CHPF2: variants seen among roughly 807,000 people sequenced by gnomAD.
The protein encoded by CHPF2 is chondroitin polymerizing factor 2.
A neutral mutation model predicts 63.0 loss-of-function variants in CHPF2; 58 were observed. That is an observed-to-expected ratio of 0.92 (90% CI 0.75 to 1.15). The LOEUF (loss-of-function observed/expected upper bound fraction) is 1.15. Among genes scored for constraint, CHPF2 ranks in the 50% most tolerant of loss-of-function variants. The pLI is 0.00. For missense variants in CHPF2, 1,045 were observed against 1,035.4 expected, an observed-to-expected ratio of 1.01 and a Z score of -0.13; for synonymous variants, 442 against 438.0, an observed-to-expected ratio of 1.01 and a Z score of -0.11.
At position 151,235,493 on chromosome 7, in the gene CHPF2, C is replaced by T; in HGVS notation, c.709C>T (p.Leu237Phe). ...FGYLLSRSLLLRLRPHLDGCR... is the reference protein window; with the variant it reads ...FGYLLSRSLLFRLRPHLDGCR... ...CTACCTGTTGTCACGGAGTCTCCTGCTTCGTCTGCGGCCACATCTGGATGG... is the reference window on the plus strand; with the variant it reads ...CTACCTGTTGTCACGGAGTCTCCTGTTTCGTCTGCGGCCACATCTGGATGG... Residue 237 changes from leucine to phenylalanine, a missense_variant, in exon 2 of 4, where the codon CTT (leucine) becomes TTT (phenylalanine). Transcript: ENST00000035307. 3 of 1,611,510 alleles carry T rather than the reference C, an allele frequency of 1.9e-6. No homozygotes were observed. Among genetic ancestry groups the T allele is most frequent in the Non-Finnish European group, 2.5e-6 (3 of 1,180,024 alleles).
At position 151,234,179 on chromosome 7, in the gene CHPF2, T is replaced by G. The variant is rs1484900597; in HGVS notation, c.168T>G (p.Asp56Glu). ...AGCGAGGAGGGCCACAGAATCCAGA[T>G]TCCAGAGCTCGGCTAGACCAAAGTG... ...VGERGGPQNPDSRARLDQSDE... is the reference protein window; with the variant it reads ...VGERGGPQNPESRARLDQSDE... The change falls in exon 1 of 4, where the codon GAT (aspartate) becomes GAG (glutamate). Residue 56 changes from aspartate to glutamate, a missense_variant. Transcript: ENST00000035307. The G allele has an allele frequency of 6.2e-7, 1 of 1,613,696 alleles. No individual in the cohort carries two copies. The highest frequency in any genetic ancestry group is 1.3e-5 in the African/African-American group (1 of 74,896).
rs1034085493 is a variant in CHPF2 at position 151,232,778 on chromosome 7, C to T, written c.-1234C>T. ...CTCGCGGCCTCGATGCTGTCTCTGG[C>T]GCGGCCTCCGCTCCCGCCGACTGGC... On this transcript the variant is annotated 5_prime_UTR_variant, in exon 1 of 4. Transcript: ENST00000035307. 39 of 1,504,692 alleles carry T rather than the reference C, an allele frequency of 2.6e-5. No individual in the cohort carries two copies. Among genetic ancestry groups the T allele is most frequent in the Non-Finnish European group, 3.3e-5 (37 of 1,133,324 alleles). 93.2% of individuals were successfully genotyped at this position (1,504,692 alleles called of 1,614,324 possible).
Position 151,234,074 on chromosome 7 carries a change from T to G in CHPF2, c.63T>G (p.Ser21=). Residue 21 remains serine (S), a synonymous_variant, in exon 1 of 4, where the codon TCT becomes TCG. Transcript: ENST00000035307. Reference sequence around the variant, plus strand: ...CGCTTCCCCTCATCTTAGGGCTGTCTCTGGGGTGCAGCCTGAGCCTCCTGC... The same window carrying G: ...CGCTTCCCCTCATCTTAGGGCTGTCGCTGGGGTGCAGCCTGAGCCTCCTGC... ...RPALPLILGL[S]LGCSLSLLRV... 1 of 1,601,454 alleles carries G rather than the reference T, an allele frequency of 6.2e-7. No individual in the cohort carries two copies. Among genetic ancestry groups the G allele is most frequent in the South Asian group, 1.1e-5 (1 of 89,532 alleles).
At position 151,238,531 on chromosome 7, in the gene CHPF2, G is replaced by C; in HGVS notation, c.2169G>C (p.Gly723=). Residue 723 remains glycine (G), a synonymous_variant, in exon 4 of 4, where the codon GGG becomes GGC. Coordinates refer to ENST00000035307, the MANE Select transcript of CHPF2 (RefSeq NM_019015.3). ...ACCTCTTTCGGGCCGTAGAGCCAGG[G>C]CTGGTGCAGAAGTTCTCCCTGCGAG... ...GLHLFRAVEP[G]LVQKFSLRDC... The C allele has an allele frequency of 6.2e-7, 1 of 1,609,918 alleles. No individual in the cohort carries two copies. The highest frequency in any genetic ancestry group is 8.5e-7 in the Non-Finnish European group (1 of 1,177,540).
intron 3 of CHPF2, chr7:151,236,922 G>A (rs1484184555): frequency 5.6e-6 from 3 of 534,216 alleles, no homozygotes; most frequent in South Asian, 1.5e-5. Flanking sequence ...TGTCCACTGA[G>A]GAGGCAAAAA....
Position 151,235,367 on chromosome 7 carries a change from C to G in CHPF2, c.583C>G (p.Leu195Val). ...TGTGCAGGCCCCCCGCCTGGCAGCC[C>G]TTGCTGGCCACCTCAGCATCAACCA... ...TYVQAPRLAA[L>V]AGHLSINQDL... The change falls in exon 2 of 4, where the codon CTT (leucine) becomes GTT (valine). Residue 195 changes from leucine to valine, a missense_variant. By Grantham distance (32) the Leu-to-Val change is conservative (BLOSUM62 1). Coordinates refer to ENST00000035307, the MANE Select transcript of CHPF2 (RefSeq NM_019015.3). 1.2e-6 allele frequency: 2 copies of G among 1,613,906 alleles called. No homozygotes were observed. The highest frequency in any genetic ancestry group is 1.7e-6 in the Non-Finnish European group (2 of 1,180,050).
Position 151,234,022 on chromosome 7 carries a change from G to T in CHPF2, c.11G>T (p.Ser4Ile). ...GCAGGGCCTACCACCATGCGACTGA[G>T]CTCCCTGTTGGCTCTGCTGCGGCCA... MRL[S>I]SLLALLRPAL... The change falls in exon 1 of 4, where the codon AGC (serine) becomes ATC (isoleucine). Residue 4 changes from serine to isoleucine, a missense_variant. Physicochemically the swap from Ser to Ile is moderately radical, Grantham distance 142. Transcript: ENST00000035307. The T allele has an allele frequency of 6.6e-7, 1 of 1,525,022 alleles. No homozygotes were observed. 94.5% of individuals were successfully genotyped at this position (1,525,022 alleles called of 1,614,324 possible). A position where few individuals can be genotyped will look rare whatever the true frequency, so the allele number is the denominator to read the frequency against.
At position 151,238,303 on chromosome 7, in the gene CHPF2, C is replaced by T. The variant is rs750340914; in HGVS notation, c.1941C>T (p.Pro647=). The T allele has an allele frequency of 1.1e-5, 18 of 1,610,442 alleles. No homozygotes were observed. The highest frequency in any genetic ancestry group is 5.0e-5 in the Admixed American group (3 of 59,934). ...PGPPGAGPDP[P]SPPGADPSRG... The stretch of plus-strand genomic sequence containing the variant: ...CCCCGGGGGCTGGCCCTGACCCCCC[C>T]TCCCCTCCTGGTGCTGACCCCTCCC... The change falls in exon 4 of 4, where the codon CCC becomes CCT. Residue 647 remains proline (P), a synonymous_variant. Transcript: ENST00000035307.
intron 2 of CHPF2, among the ~76,000 whole-genome samples, 175 bp downstream of exon 2, chr7:151,235,787 T>C (rs919622428): frequency 6.6e-6 from 1 of 152,224 alleles, no homozygotes; most frequent in African/African-American, 2.4e-5. Context: ...CTATCAAAAG[T>C]AGTATCTTGT....
Position 151,232,632 on chromosome 7 carries a change from C to T in CHPF2, c.-1380C>T. On this transcript the variant is annotated 5_prime_UTR_variant, in exon 1 of 4. Transcript: ENST00000035307. ...GCCGCTCTTGGTCCCCACGCCTCCG[C>T]CCCGCCCCCTCCCGGGACGCCGGGA... is the stretch of plus-strand genomic sequence containing the variant. 5.4e-6 allele frequency: 5 copies of T among 922,008 alleles called. No homozygotes were observed. The highest frequency in any genetic ancestry group is 1.7e-5 in the South Asian group (1 of 58,148). The allele number at this position is 922,008 out of a possible 1,614,324, so 57.1% of individuals were successfully genotyped here.
At position 151,234,244 on chromosome 7, in the gene CHPF2, A is replaced by AC. The variant is rs1802561368; in HGVS notation, c.237dup (p.Asn80GlnfsTer21). 15 of 1,603,812 alleles carry AC rather than the reference A, an allele frequency of 9.4e-6. No individual in the cohort carries two copies. The highest frequency in any genetic ancestry group is 1.1e-5 in the South Asian group (1 of 89,810). On this transcript the variant is annotated frameshift_variant, in exon 1 of 4. Transcript: ENST00000035307. LOFTEE classifies it high-confidence loss of function. ...CCCCGGATTGTCCCCTACTACAGGG[A>AC]CCCCAACAAGCCCTACAAGAAGGTG...
chr7:151,235,284 T>G lies in CHPF2; in HGVS notation c.500T>G (p.Leu167Arg). 6.2e-7 allele frequency: 1 copy of G among 1,613,926 alleles called. No individual in the cohort carries two copies. The change falls in exon 2 of 4, where the codon CTT becomes CGT. Residue 167 changes from leucine to arginine, a missense_variant. Physicochemically the swap from Leu to Arg is moderately radical, Grantham distance 102. Coordinates refer to ENST00000035307, the MANE Select transcript of CHPF2 (RefSeq NM_019015.3). ...AWLMSETLRH[L>R]HTHFGADYDW... Reference sequence around the variant, plus strand: ...CTCATGTCAGAGACCCTGCGCCACCTTCACACACACTTTGGGGCCGACTAC... The same window carrying G: ...CTCATGTCAGAGACCCTGCGCCACCGTCACACACACTTTGGGGCCGACTAC...
intron 2 of CHPF2, 68 bp from the exon 3 acceptor site, chr7:151,236,340 A>C: frequency 7.4e-7 from 1 of 1,359,866 alleles, no homozygotes; most frequent in Non-Finnish European, 1.0e-6. Flanking sequence ...AACACTGAGT[A>C]TGGTTAAGGG....
At position 151,238,685 on chromosome 7, in the gene CHPF2, G is replaced by A. The variant is rs758815223; in HGVS notation, c.*4G>A. On this transcript the variant is annotated 3_prime_UTR_variant, in exon 4 of 4. Coordinates refer to ENST00000035307, the MANE Select transcript of CHPF2 (RefSeq NM_019015.3). ...GGAGCAGGCCAATAGCACTTAGCCC[G>A]CCTGGGGGCCCTAACCTCATTACCT... 3.2e-5 allele frequency: 52 copies of A among 1,606,104 alleles called. No individual in the cohort carries two copies. Among genetic ancestry groups the A allele is most frequent in the African/African-American group, 2.0e-4 (15 of 74,808 alleles).
rs765436902 is a variant in CHPF2, at chr7:151,236,469, C to T, written c.890C>T (p.Ser297Leu). 14 of 1,607,618 alleles carry T rather than the reference C, an allele frequency of 8.7e-6. No individual in the cohort carries two copies. In the East Asian group the frequency reaches 1.1e-4, roughly 13 times the overall value. The change falls in exon 3 of 4, where the codon TCG (serine) becomes TTG (leucine). Residue 297 changes from serine (S) to leucine (L), a missense_variant. Coordinates refer to ENST00000035307, the MANE Select transcript of CHPF2 (RefSeq NM_019015.3). ...AGGGACCCTGAGAAGGAAGGGAGCT[C>T]GGCTTTCCTGAGTGCCTTCGCCGTG... ...KNRDPEKEGSSAFLSAFAVHP... is the reference protein window; with the variant it reads ...KNRDPEKEGSLAFLSAFAVHP...
intron 2 of CHPF2, 66 bp downstream of exon 2, chr7:151,235,678 C>A: frequency 7.1e-7 from 1 of 1,417,758 alleles, no homozygotes; most frequent in Non-Finnish European, 9.7e-7. Flanking sequence ...ATTGGCCTTC[C>A]TCCCAGCAGC....
At position 151,238,334 on chromosome 7, in the gene CHPF2, G is replaced by T. The variant is rs568690698; in HGVS notation, c.1972G>T (p.Ala658Ser). The change falls in exon 4 of 4, where the codon GCT becomes TCT. Residue 658 changes from alanine to serine, a missense_variant. By Grantham distance (99) the Ala-to-Ser change is moderately conservative. Coordinates refer to ENST00000035307, the MANE Select transcript of CHPF2 (RefSeq NM_019015.3). Reference protein sequence around the residue: ...SPPGADPSRGAPIGGRFDRQA... With the variant: ...SPPGADPSRGSPIGGRFDRQA... ...TCCTGGTGCTGACCCCTCCCGGGGG[G>T]CTCCTATAGGGGGGAGATTTGACCG... The T allele has an allele frequency of 1.2e-6, 2 of 1,609,648 alleles. No individual in the cohort carries two copies. Among genetic ancestry groups the T allele is most frequent in the Non-Finnish European group, 1.7e-6 (2 of 1,177,868 alleles).
chr7:151,232,814 G>C lies in CHPF2; in HGVS notation c.-1198G>C. ...CTCCCGCCGACTGGCCTGAGAACGA[G>C]GTCTGTGCCCCAGTCTCCCAGCCGC... On this transcript the variant is annotated 5_prime_UTR_variant, in exon 1 of 4. Transcript: ENST00000035307. 6.7e-7 allele frequency: 1 copy of C among 1,493,644 alleles called. No individual in the cohort carries two copies. Among genetic ancestry groups the C allele is most frequent in the Non-Finnish European group, 8.9e-7 (1 of 1,128,370 alleles). 92.5% of individuals were successfully genotyped at this position (1,493,644 alleles called of 1,614,324 possible). A position where few individuals can be genotyped will look rare whatever the true frequency, so the allele number is the denominator to read the frequency against.
In CHPF2 at chr7:151,233,026, G is replaced by A; in HGVS notation, c.-986G>A. 7.9e-7 allele frequency: 1 copy of A among 1,263,930 alleles called. No individual in the cohort carries two copies. Among genetic ancestry groups the A allele is most frequent in the South Asian group, 2.8e-5 (1 of 35,718 alleles). 78.3% of individuals were successfully genotyped at this position (1,263,930 alleles called of 1,614,324 possible). On this transcript the variant is annotated 5_prime_UTR_variant, in exon 1 of 4. Transcript: ENST00000035307. ...GTAGCGCAGGGGCTGTGGGCCCCCG[G>A]CAGGGGTCCTGTCGGAAGCTGGCCG... is the stretch of plus-strand genomic sequence containing the variant.
Sources: allele counts gnomAD v4.1 joint callset (sites outside exome capture counted in the v4.1 genomes callset), GRCh38; gene constraint gnomAD v4.1.1; transcripts MANE v1.5; gene names NCBI Gene and HGNC (gene_info 2026-07-23, HGNC 2026-07-21).